The following RGS6 variants were observed in gnomAD, a reference collection of about 807,000 sequenced individuals.
RGS6 encodes the protein regulator of G protein signaling 6.
Under a neutral mutation model 78.5 loss-of-function variants are expected in RGS6, and 30 were observed. The observed-to-expected ratio is 0.38, with a 90% CI of 0.29 to 0.52. The LOEUF (loss-of-function observed/expected upper bound fraction) is 0.52, where lower values mean the gene tolerates loss of function less well. Among genes scored for constraint, RGS6 ranks in the 20% least tolerant of loss-of-function variants. The pLI, the probability that RGS6 is intolerant of heterozygous loss-of-function variation, is 0.85. For missense variants in RGS6, 495 were observed against 609.7 expected (o/e 0.81, Z 1.98); for synonymous variants, 206 against 206.0 (o/e 1.00, Z 0.00).
the RGS6 span, among the ~76,000 whole-genome samples, chr14:71,887,172 C>T: frequency 1.3e-5 from 2 of 152,200 alleles, no homozygotes; most frequent in African/African-American, 2.4e-5. Flanking sequence ...TTTATAATTT[C>T]TTATGCCTGT....
At chr14:72,352,483 G>T (rs1398577906) in intron 3 of RGS6, among the ~76,000 whole-genome samples, 1 of 152,008 alleles carries the variant, frequency 6.6e-6, no homozygotes, top group South Asian at 2.1e-4. Flanking sequence ...TTTGCCTGTG[G>T]GATACACACA....
intron 2 of RGS6, among the ~76,000 whole-genome samples, chr14:72,297,134 G>T (rs1179562045): frequency 6.6e-6 from 1 of 151,782 alleles, no homozygotes; most frequent in Non-Finnish European, 1.5e-5. Context: ...TCATTGTTCT[G>T]TTTCTATTTT....
chr14:72,378,802 A>G (rs1427771377), intron 3 of RGS6, among the ~76,000 whole-genome samples: 3 of 152,170 alleles, frequency 2.0e-5, no homozygotes, highest in Non-Finnish European at 4.4e-5. Flanking sequence ...ACTATTCCAA[A>G]AATTTGAAGT....
intron 14 of RGS6, among the ~76,000 whole-genome samples, chr14:72,512,748 T>C (rs181357070): frequency 7.4e-4 from 112 of 152,264 alleles, no homozygotes; most frequent in Non-Finnish European, 1.2e-3. Flanking sequence ...AGCTCAGTCG[T>C]AAATCACATA....
chr14:72,150,801 C>T (rs1194870157), intron 2 of RGS6, among the ~76,000 whole-genome samples: 1 of 152,118 alleles, frequency 6.6e-6, no homozygotes, highest in African/African-American at 2.4e-5. Context: ...TCACCTCCTA[C>T]CAGGCCCCTC....
chr14:72,574,758 A>G, the RGS6 span, among the ~76,000 whole-genome samples: 1 of 152,238 alleles, frequency 6.6e-6, no homozygotes, highest in Non-Finnish European at 1.5e-5. Context: ...AGGAGGTAGC[A>G]TGAAAAGCCC....
intron 2 of RGS6, among the ~76,000 whole-genome samples, chr14:72,349,834 C>T (rs758161936): frequency 3.4e-4 from 52 of 152,160 alleles, no homozygotes; most frequent in Non-Finnish European, 4.4e-4. Flanking sequence ...ATGTCCACTC[C>T]GGGGTCTACC....
intron 3 of RGS6, among the ~76,000 whole-genome samples, chr14:72,394,715 A>G (rs563132843): frequency 1.1e-4 from 16 of 152,282 alleles, no homozygotes; most frequent in Non-Finnish European, 1.6e-4. Context: ...TATTGTTTAA[A>G]CAATTTGTGC....
intron 2 of RGS6, among the ~76,000 whole-genome samples, chr14:72,278,015 A>G (rs985451102): frequency 6.6e-6 from 1 of 152,214 alleles, no homozygotes; most frequent in Admixed American, 6.5e-5. Context: ...GTACTTATTT[A>G]GCCCAGTCCA....
intron 3 of RGS6, among the ~76,000 whole-genome samples, chr14:72,450,604 C>T (rs757540834): frequency 1.3e-5 from 2 of 152,176 alleles, no homozygotes; most frequent in Non-Finnish European, 2.9e-5. Flanking sequence ...GTTGTTTCAA[C>T]ATAGCATTTG....
intron 3 of RGS6, among the ~76,000 whole-genome samples, chr14:72,402,554 A>T (rs970521998): frequency 3.3e-5 from 5 of 152,138 alleles, no homozygotes; most frequent in Non-Finnish European, 7.3e-5. Flanking sequence ...CCACAGTGAG[A>T]TATTATCTCA....
intron 2 of RGS6, among the ~76,000 whole-genome samples, chr14:72,183,614 T>C (rs897115511): frequency 6.6e-6 from 1 of 152,150 alleles, no homozygotes; most frequent in Non-Finnish European, 1.5e-5. Context: ...CAGGGGGACA[T>C]TGTCTTTGAA....
At chr14:72,412,311 C>G (rs144993648) in intron 3 of RGS6, among the ~76,000 whole-genome samples, 12 of 152,046 alleles carry the variant, frequency 7.9e-5, no homozygotes, top group Middle Eastern at 3.2e-3. Flanking sequence ...TGTATGTGTC[C>G]AGGAATTTAT....
At chr14:72,327,308 A>G (rs1295413707) in intron 2 of RGS6, among the ~76,000 whole-genome samples, 1 of 151,994 alleles carries the variant, frequency 6.6e-6, no homozygotes, top group Non-Finnish European at 1.5e-5. Flanking sequence ...GACTGTCAGA[A>G]CTCCCCCATC....
At position 72,495,245 on chromosome 14, in the gene RGS6, G is replaced by T. The variant is rs543194066; in HGVS notation, c.948G>T (p.Leu316Phe). 1 of 1,611,658 alleles carries T rather than the reference G, an allele frequency of 6.2e-7. No homozygotes were observed. Among genetic ancestry groups the T allele is most frequent in the South Asian group, 1.1e-5 (1 of 91,024 alleles). The change falls in exon 13 of 18, where the codon TTG (leucine) becomes TTT (phenylalanine). Residue 316 changes from leucine (L) to phenylalanine (F), a missense_variant. Coordinates refer to ENST00000553525, the MANE Select transcript of RGS6 (RefSeq NM_001204424.2). The part of the protein sequence containing the change: ...SNPWISDDVA[L>F]WDIEMSKEPS... ...CTTGGATCAGCGATGACGTTGCTTT[G>T]TGGGACATAGAGATGAGGTAAAAAA...
chr14:72,511,552 C>T (rs7144608), intron 14 of RGS6: 6,007 of 152,280 alleles, frequency 0.039, 394 homozygotes, highest in African/African-American at 0.14. Flanking sequence ...TGAGTGTAAA[C>T]TCTAAGAACC....
chr14:72,291,793 C>T lies in RGS6; in HGVS notation c.85-60302C>T, dbSNP rs182048113. Among the ~76,000 whole-genome samples the T allele has an allele frequency of 3.1e-3, 473 of 152,250 alleles. 1 individual carries two copies. Among genetic ancestry groups the T allele is most frequent in the African/African-American group, 0.011 (455 of 41,536 alleles). ...TTTTAAAAAAAGAAAGGGCCGAGCA[C>T]GTCAGTATAGTTACCGAGCGTACTT... On this transcript the variant is annotated intron_variant, in intron 2 of 17. Coordinates refer to ENST00000553525, the MANE Select transcript of RGS6 (RefSeq NM_001204424.2).
At chr14:72,561,103 T>C (rs926118239) in intron 17 of RGS6, among the ~76,000 whole-genome samples, 3 of 152,154 alleles carry the variant, frequency 2.0e-5, no homozygotes, top group African/African-American at 7.2e-5. Context: ...GTTTATTAGA[T>C]AAACCCGTTA....
At chr14:72,256,238 G>A (rs530674562) in intron 2 of RGS6, among the ~76,000 whole-genome samples, 1 of 152,334 alleles carries the variant, frequency 6.6e-6, no homozygotes, top group South Asian at 2.1e-4. Flanking sequence ...GGTTAAAGAT[G>A]AAATCATTGA....
Sources: allele counts gnomAD v4.1 joint callset (sites outside exome capture counted in the v4.1 genomes callset), GRCh38; gene constraint gnomAD v4.1.1; transcripts MANE v1.5; gene names NCBI Gene and HGNC (gene_info 2026-07-23, HGNC 2026-07-21).